Variants in CDH12 observed in about 807,000 individuals in gnomAD.
CDH12 encodes the protein cadherin 12.
CDH12 carries 41 observed loss-of-function variants against 74.1 expected under a neutral mutation model. That is an observed-to-expected ratio of 0.55 (90% confidence interval 0.43 to 0.72). The LOEUF is 0.72. Among genes scored for constraint, CDH12 ranks in the 30% least tolerant of loss-of-function variants. The pLI is 0.00. For missense variants in CDH12, 945 were observed against 977.2 expected, an observed-to-expected ratio of 0.97 and a Z score of 0.44; for synonymous variants, 399 against 355.0, an observed-to-expected ratio of 1.12 and a Z score of -1.39.
At chr5:22,042,889 C>CAAAAAA (rs1171549252) in intron 5 of CDH12, among the ~76,000 whole-genome samples, 2 of 56,042 alleles carry the variant, frequency 3.6e-5, no homozygotes, top group East Asian at 6.2e-4. Flanking sequence ...GATTCTATCT[C>CAAAAAA]AAAAAAAAAA....
chr5:22,797,347 T>G (rs2126405561), intron 1 of CDH12, among the ~76,000 whole-genome samples: 1 of 152,224 alleles, frequency 6.6e-6, no homozygotes, highest in East Asian at 1.9e-4. Flanking sequence ...TGGTGAGAAG[T>G]AAATTAGTCT....
chr5:22,276,793 G>A (rs780666985), intron 3 of CDH12, among the ~76,000 whole-genome samples: 8 of 152,060 alleles, frequency 5.3e-5, no homozygotes, highest in Non-Finnish European at 7.4e-5. Flanking sequence ...TTCAAGCCAT[G>A]CTCCTGCCTC....
chr5:21,889,209 GA>G (rs11296755), intron 6 of CDH12, among the ~76,000 whole-genome samples: 24,449 of 152,034 alleles, frequency 0.16, 2,147 homozygotes, highest in African/African-American at 0.21. Flanking sequence ...CTCTTTTAAA[GA>G]AATATAATTT....
intron 6 of CDH12, 150 bp downstream of exon 6, chr5:21,974,941 A>C: frequency 1.6e-6 from 1 of 626,338 alleles, no homozygotes; most frequent in Non-Finnish European, 2.7e-6. Context: ...GAAAAACAAA[A>C]AAGTTACAAA....
At chr5:22,636,983 T>C (rs1450366802) in intron 1 of CDH12, among the ~76,000 whole-genome samples, 2 of 152,306 alleles carry the variant, frequency 1.3e-5, no homozygotes, top group South Asian at 2.1e-4. Flanking sequence ...AGGATGGTAA[T>C]GGTGATTTTA....
chr5:22,318,321 A>G lies in CDH12; in HGVS notation c.-333+86936T>C, dbSNP rs561579308. ...ATTTGCCTTTTTTGGGCTGCCTCTG[A>G]TATCATCAGCTCCTGACTTTTTGCT... On this transcript the variant is annotated intron_variant, in intron 3 of 14. Transcript: ENST00000382254. Among the ~76,000 whole-genome samples the G allele has an allele frequency of 5.1e-4, 78 of 152,244 alleles. 2 individuals are homozygous for G. Among genetic ancestry groups the G allele is most frequent in the African/African-American group, 1.7e-3 (72 of 41,542 alleles).
chr5:21,999,892 G>T lies in CDH12; in HGVS notation c.232-24507C>A, dbSNP rs539914672. Among the ~76,000 whole-genome samples, 14 of 151,750 alleles carry T rather than the reference G, an allele frequency of 9.2e-5. No individual in the cohort carries two copies. In the South Asian group the frequency reaches 3.0e-3, roughly 32 times the overall value. On this transcript the variant is annotated intron_variant, in intron 5 of 14. Transcript: ENST00000382254. Reference sequence around the variant, plus strand: ...TAATTAACTTTGTATGTGTAAAAGGGAAATAACTGTGGCAGTTGGGAGAAT... The same window carrying T: ...TAATTAACTTTGTATGTGTAAAAGGTAAATAACTGTGGCAGTTGGGAGAAT...
intron 1 of CDH12, among the ~76,000 whole-genome samples, chr5:22,611,167 C>T (rs1262099798): frequency 6.6e-6 from 1 of 152,070 alleles, no homozygotes; most frequent in African/African-American, 2.4e-5. Flanking sequence ...ATATTTATTT[C>T]TTCTAGATAT....
At chr5:22,792,322 C>T (rs1581004761) in intron 1 of CDH12, among the ~76,000 whole-genome samples, 1 of 152,122 alleles carries the variant, frequency 6.6e-6, no homozygotes, top group East Asian at 1.9e-4. Context: ...CTCCTGACCT[C>T]AGGTGATCTG....
chr5:22,638,040 T>C (rs1738932539), intron 1 of CDH12, among the ~76,000 whole-genome samples: 1 of 152,178 alleles, frequency 6.6e-6, no homozygotes, highest in African/African-American at 2.4e-5. Context: ...TCATAAATCA[T>C]TGATCATTTC....
At chr5:22,426,435 C>T (rs1461973146) in intron 2 of CDH12, among the ~76,000 whole-genome samples, 1 of 151,616 alleles carries the variant, frequency 6.6e-6, no homozygotes, top group Non-Finnish European at 1.5e-5. Context: ...ATTTATAGTT[C>T]TTTTCTATTT....
chr5:22,593,360 T>G (rs1360309380), intron 1 of CDH12, among the ~76,000 whole-genome samples: 1 of 152,178 alleles, frequency 6.6e-6, no homozygotes, highest in Non-Finnish European at 1.5e-5. Flanking sequence ...ACCAAAACCC[T>G]AAGGTTCCAA....
chr5:22,454,438 G>A (rs1182796726), intron 2 of CDH12, among the ~76,000 whole-genome samples: 12 of 152,094 alleles, frequency 7.9e-5, no homozygotes, highest in Admixed American at 7.9e-4. Context: ...TCAGGCTGCT[G>A]TATCAAGACA....
intron 3 of CDH12, among the ~76,000 whole-genome samples, chr5:22,360,374 A>G (rs771329409): frequency 1.5e-3 from 225 of 152,286 alleles, no homozygotes; most frequent in Non-Finnish European, 1.0e-3. Context: ...TCCCAAGACT[A>G]AACCAGGAAG....
intron 1 of CDH12, among the ~76,000 whole-genome samples, chr5:22,850,196 G>C (rs540827671): frequency 1.3e-5 from 2 of 152,094 alleles, no homozygotes; most frequent in African/African-American, 4.8e-5. Flanking sequence ...CTTATGATGA[G>C]ATGCTTAAAA....
intron 4 of CDH12, among the ~76,000 whole-genome samples, chr5:22,160,577 C>G (rs1748282450): frequency 6.6e-6 from 1 of 152,144 alleles, no homozygotes; most frequent in Admixed American, 6.5e-5. Context: ...ATAGCATATA[C>G]TGGATAGCTT....
At position 21,845,405 on chromosome 5, in the gene CDH12, C is replaced by T. The variant is rs117560815; in HGVS notation, c.647-3077G>A. The stretch of plus-strand genomic sequence containing the variant: ...GTGAGAAGAAGCCATGTGAAGTGCA[C>T]ACATTTGAGTGCTTAGGCTCCAGCT... On this transcript the variant is annotated intron_variant, in intron 7 of 14. Coordinates refer to ENST00000382254, the MANE Select transcript of CDH12 (RefSeq NM_004061.5). 3.3e-5 allele frequency among the ~76,000 whole-genome samples: 5 copies of T among 152,208 alleles called. 1 individual carries two copies. In the East Asian group the frequency reaches 7.7e-4, roughly 24 times the overall value.
At chr5:22,032,805 T>G (rs1398815999) in intron 5 of CDH12, among the ~76,000 whole-genome samples, 3 of 148,042 alleles carry the variant, frequency 2.0e-5, no homozygotes. Context: ...ATATATATAG[T>G]GTGTATATAT....
At position 22,025,071 on chromosome 5, in the gene CDH12, A is replaced by T. The variant is rs183263731; in HGVS notation, c.232-49686T>A. Among the ~76,000 whole-genome samples the T allele has an allele frequency of 1.2e-4, 18 of 152,194 alleles. No individual in the cohort carries two copies. The East Asian group carries it at 3.3e-3, about 28-fold the overall frequency. ...ATGCCTAATAATAAAACAAAAACAA[A>T]ATCAAACCACCATCCCTGATTTAGT... On this transcript the variant is annotated intron_variant, in intron 5 of 14. Transcript: ENST00000382254.
Sources: allele counts gnomAD v4.1 joint callset (sites outside exome capture counted in the v4.1 genomes callset), GRCh38; gene constraint gnomAD v4.1.1; transcripts MANE v1.5; gene names NCBI Gene and HGNC (gene_info 2026-07-23, HGNC 2026-07-21).